EYS: variants seen among roughly 807,000 people sequenced by gnomAD.
EYS encodes the protein EGF-like photoreceptor maintenance factor, also known as protein eyes shut homolog.
Under a neutral mutation model 282.1 loss-of-function variants are expected in EYS, and 250 were observed. The observed-to-expected ratio is 0.89, with a 90% CI of 0.80 to 0.98. EYS has a LOEUF of 0.98. EYS is among the 50% of genes least tolerant of loss of function. EYS has a pLI of 0.00. For missense variants in EYS, 4,016 were observed against 3,709.0 expected (o/e 1.08, Z -2.15); for synonymous variants, 1,355 against 1,282.9 (o/e 1.06, Z -1.20).
At chr6:65,203,879 A>T (rs1378884823) in intron 12 of EYS, among the ~76,000 whole-genome samples, 1 of 151,272 alleles carries the variant, frequency 6.6e-6, no homozygotes, top group Admixed American at 6.6e-5. Flanking sequence ...TATATTTTTT[A>T]AATAACTGGA....
intron 12 of EYS, among the ~76,000 whole-genome samples, chr6:65,159,041 CCTGGAAAA>C (rs2150220230): frequency 6.6e-6 from 1 of 150,736 alleles, no homozygotes; most frequent in African/African-American, 2.4e-5. Flanking sequence ...CCACAATATT[CCTGGAAAA>C]ATTCTGAGCT....
intron 2 of EYS, among the ~76,000 whole-genome samples, chr6:65,615,575 G>C (rs1410523969): frequency 2.0e-5 from 3 of 151,748 alleles, no homozygotes; most frequent in African/African-American, 7.3e-5. Context: ...ATATATATTT[G>C]ATTTTTAAAG....
intron 30 of EYS, among the ~76,000 whole-genome samples, chr6:64,287,853 C>G (rs546325704): frequency 1.3e-5 from 2 of 152,138 alleles, no homozygotes; most frequent in Admixed American, 1.3e-4. Flanking sequence ...TGAAGTAACC[C>G]TATGGAGACA....
At chr6:64,627,898 T>C (rs1359288372) in intron 22 of EYS, among the ~76,000 whole-genome samples, 3 of 152,006 alleles carry the variant, frequency 2.0e-5, no homozygotes, top group African/African-American at 4.8e-5. Context: ...GCGAACACGG[T>C]GAAACCCAAT....
At chr6:65,071,463 A>C (rs1773900576) in intron 12 of EYS, among the ~76,000 whole-genome samples, 1 of 151,792 alleles carries the variant, frequency 6.6e-6, no homozygotes, top group South Asian at 2.1e-4. Context: ...AATAGTTTTT[A>C]GATTTCTGTG....
At chr6:65,046,792 T>A (rs559159816) in intron 13 of EYS, among the ~76,000 whole-genome samples, 7 of 151,944 alleles carry the variant, frequency 4.6e-5, no homozygotes, top group African/African-American at 1.4e-4. Flanking sequence ...CCCAAAACTC[T>A]TGTTGAATTC....
chr6:64,958,667 G>A (rs1225194767), intron 14 of EYS, among the ~76,000 whole-genome samples: 5 of 136,860 alleles, frequency 3.7e-5, no homozygotes, highest in Non-Finnish European at 6.2e-5. Context: ...CCCGGAAGGC[G>A]GAGCTTGCAG....
At chr6:63,849,589 T>C (rs975713181) in intron 36 of EYS, among the ~76,000 whole-genome samples, 1 of 152,176 alleles carries the variant, frequency 6.6e-6, no homozygotes, top group Admixed American at 6.5e-5. Flanking sequence ...GGGGCCTGAC[T>C]GTTAGAAGGA....
At chr6:65,636,204 T>G (rs1214703327) in intron 2 of EYS, among the ~76,000 whole-genome samples, 1 of 152,230 alleles carries the variant, frequency 6.6e-6, no homozygotes, top group African/African-American at 2.4e-5. Flanking sequence ...GCGCAAAATT[T>G]TTCAATGATT....
intron 16 of EYS, among the ~76,000 whole-genome samples, chr6:64,907,648 A>G (rs1249622370): frequency 2.0e-5 from 3 of 152,156 alleles, no homozygotes; most frequent in Admixed American, 6.5e-5. Flanking sequence ...TGAAGAGAAC[A>G]TGGTAGTTGA....
At chr6:64,268,652 C>T (rs1767842672) in intron 30 of EYS, among the ~76,000 whole-genome samples, 2 of 152,070 alleles carry the variant, frequency 1.3e-5, no homozygotes, top group Non-Finnish European at 1.5e-5. Context: ...TGTTACAATA[C>T]ATAGCACTTG....
At chr6:64,677,418 C>T (rs1251898241) in intron 22 of EYS, among the ~76,000 whole-genome samples, 5 of 152,072 alleles carry the variant, frequency 3.3e-5, no homozygotes, top group South Asian at 2.1e-4. Flanking sequence ...CATATTTCTG[C>T]CAAATTGGAA....
At chr6:64,372,764 G>T (rs1034924960) in intron 29 of EYS, among the ~76,000 whole-genome samples, 2 of 151,770 alleles carry the variant, frequency 1.3e-5, no homozygotes, top group African/African-American at 4.8e-5. Flanking sequence ...CTTTATTTTT[G>T]TCTGACTAAT....
At chr6:64,607,182 C>T (rs1245382898) in intron 24 of EYS, among the ~76,000 whole-genome samples, 2 of 151,858 alleles carry the variant, frequency 1.3e-5, no homozygotes. Flanking sequence ...TATTTTCTCC[C>T]ACTGCCTTGC....
chr6:64,629,395 T>C (rs9363027), intron 22 of EYS, among the ~76,000 whole-genome samples: 91,679 of 151,866 alleles, frequency 0.6, 27,850 homozygotes, highest in South Asian at 0.68. Context: ...ATAATTTCTT[T>C]ATATATATTT....
At chr6:65,161,826 A>G (rs1764857011) in intron 12 of EYS, among the ~76,000 whole-genome samples, 1 of 151,246 alleles carries the variant, frequency 6.6e-6, no homozygotes, top group Non-Finnish European at 1.5e-5. Flanking sequence ...ATCAAATCTC[A>G]GTATCCTTTA....
At position 64,422,118 on chromosome 6, in the gene EYS, CAGAT is replaced by C. The variant is rs377282120; in HGVS notation, c.5927+14052_5927+14055del. 1.6e-4 allele frequency among the ~76,000 whole-genome samples: 24 copies of C among 151,902 alleles called. 1 individual carries two copies. Among genetic ancestry groups the C allele is most frequent in the Non-Finnish European group, 2.2e-4 (15 of 68,000 alleles). On this transcript the variant is annotated intron_variant, in intron 28 of 42. Transcript: ENST00000503581. ...CAATAGTGCTGAGCTAGATGATTGA[CAGAT>C]AGATAGATCGATAGATTGATAGACA... is the stretch of plus-strand genomic sequence containing the variant.
intron 36 of EYS, among the ~76,000 whole-genome samples, chr6:63,854,956 AT>A (rs1772353029): frequency 6.6e-6 from 1 of 152,220 alleles, no homozygotes; most frequent in South Asian, 2.1e-4. Flanking sequence ...AAGGATCGAG[AT>A]AAAAAGAGAA....
chr6:65,659,028 T>G (rs182750776), intron 1 of EYS, among the ~76,000 whole-genome samples: 1 of 151,808 alleles, frequency 6.6e-6, no homozygotes, highest in African/African-American at 2.4e-5. Context: ...GCAGCTTTAT[T>G]CCACTCTTAG....
Sources: allele counts gnomAD v4.1 joint callset (sites outside exome capture counted in the v4.1 genomes callset), GRCh38; gene constraint gnomAD v4.1.1; transcripts MANE v1.5; gene names NCBI Gene and HGNC (gene_info 2026-07-23, HGNC 2026-07-21).